CNTNAP4: variants seen among roughly 807,000 people sequenced by gnomAD.
CNTNAP4 encodes the protein contactin associated protein family member 4.
CNTNAP4 carries 98 observed loss-of-function variants against 148.4 expected under a neutral mutation model. The ratio of observed to expected loss-of-function variants is 0.66; its 90% CI spans 0.56 to 0.78. The LOEUF is 0.78. CNTNAP4 is among the 30% of genes least tolerant of loss of function. CNTNAP4 has a pLI of 0.00. For missense variants in CNTNAP4, 1,935 were observed against 1,565.6 expected, an observed-to-expected ratio of 1.24 and a Z score of -3.98; for synonymous variants, 730 against 565.1, an observed-to-expected ratio of 1.29 and a Z score of -4.14.
chr16:76,339,509 A>C (rs1964293514), intron 2 of CNTNAP4, among the ~76,000 whole-genome samples: 1 of 152,180 alleles, frequency 6.6e-6, no homozygotes, highest in Non-Finnish European at 1.5e-5. Context: ...AACACATTTC[A>C]GACACTCTAG....
At position 76,452,725 on chromosome 16, in the gene CNTNAP4, C is replaced by G. The variant is rs751001764; in HGVS notation, c.1289C>G (p.Ser430Trp). Reference protein sequence around the residue: ...LLFLSDGKLKSNLYQPGKLPS... With the variant: ...LLFLSDGKLKWNLYQPGKLPS... Reference sequence around the variant, plus strand: ...TTTCTGAGTGATGGAAAACTTAAGTCGAATCTCTACCAGCCAGGAAAATTA... The same window carrying G: ...TTTCTGAGTGATGGAAAACTTAAGTGGAATCTCTACCAGCCAGGAAAATTA... Residue 430 changes from serine (S) to tryptophan (W), a missense_variant, in exon 8 of 24, where the codon TCG (serine) becomes TGG (tryptophan). Transcript: ENST00000611870. 1 of 1,608,912 alleles carries G rather than the reference C, an allele frequency of 6.2e-7. No individual in the cohort carries two copies. Among genetic ancestry groups the G allele is most frequent in the Non-Finnish European group, 8.5e-7 (1 of 1,177,096 alleles).
intron 15 of CNTNAP4, among the ~76,000 whole-genome samples, chr16:76,514,294 C>A (rs1159449632): frequency 6.6e-6 from 1 of 152,132 alleles, no homozygotes; most frequent in Non-Finnish European, 1.5e-5. Flanking sequence ...TACATCCAGA[C>A]TAAAAATAAT....
chr16:76,298,336 A>T (rs1959530872), intron 1 of CNTNAP4, among the ~76,000 whole-genome samples: 1 of 152,178 alleles, frequency 6.6e-6, no homozygotes, highest in Admixed American at 6.6e-5. Flanking sequence ...AGCAAAATGT[A>T]ATTTTCCTGG....
At chr16:76,314,910 T>G (rs1260856049) in intron 1 of CNTNAP4, among the ~76,000 whole-genome samples, 1 of 152,196 alleles carries the variant, frequency 6.6e-6, no homozygotes, top group East Asian at 1.9e-4. Flanking sequence ...CATTTTTTTT[T>G]GTAAAAGTAG....
intron 9 of CNTNAP4, among the ~76,000 whole-genome samples, chr16:76,462,972 T>A (rs191677179): frequency 6.6e-6 from 1 of 152,234 alleles, no homozygotes; most frequent in Non-Finnish European, 1.5e-5. Context: ...TTTCTAAGTA[T>A]TGACGGTGAG....
rs770034946 is a variant in CNTNAP4, at chr16:76,489,670, C to A, written c.1883-16C>A. Reference sequence around the variant, plus strand: ...TGATGGTCTCCTCTCTTTCTCCCCCCATTTCTGCATACAAGAAACTGCATG... The same window carrying A: ...TGATGGTCTCCTCTCTTTCTCCCCCAATTTCTGCATACAAGAAACTGCATG... On this transcript the variant is annotated splice_polypyrimidine_tract_variant and intron_variant, in intron 12 of 23. Transcript: ENST00000611870. The A allele has an allele frequency of 1.2e-5, 17 of 1,450,810 alleles. No homozygotes were observed. Among genetic ancestry groups the A allele is most frequent in the Middle Eastern group, 1.8e-4 (1 of 5,496 alleles). 89.9% of individuals were successfully genotyped at this position (1,450,810 alleles called of 1,614,324 possible).
intron 13 of CNTNAP4, among the ~76,000 whole-genome samples, chr16:76,494,266 C>G (rs116321037): frequency 1.7e-3 from 254 of 152,224 alleles, no homozygotes; most frequent in African/African-American, 5.6e-3. Context: ...AGGGAAACTT[C>G]CATTGAGTGT....
At chr16:76,295,709 A>G (rs964716695) in intron 1 of CNTNAP4, among the ~76,000 whole-genome samples, 1 of 152,240 alleles carries the variant, frequency 6.6e-6, no homozygotes, top group Admixed American at 6.5e-5. Context: ...GGAGTGGCCA[A>G]TTCAAGTTGG....
chr16:76,546,448 T>G (rs1289133608), intron 21 of CNTNAP4, among the ~76,000 whole-genome samples: 2 of 152,088 alleles, frequency 1.3e-5, no homozygotes, highest in East Asian at 3.9e-4. Context: ...AACCCTATTG[T>G]GAACTGCACA....
At chr16:76,530,751 TC>T (rs2083944410) in intron 17 of CNTNAP4, among the ~76,000 whole-genome samples, 1 of 152,134 alleles carries the variant, frequency 6.6e-6, no homozygotes, top group Non-Finnish European at 1.5e-5. Flanking sequence ...GTCCTGTTCC[TC>T]CCCTCCTTTC....
chr16:76,547,249 T>A (rs1728926968), intron 21 of CNTNAP4, among the ~76,000 whole-genome samples: 1 of 152,228 alleles, frequency 6.6e-6, no homozygotes, highest in South Asian at 2.1e-4. Flanking sequence ...AAGCTATTAC[T>A]GGATCACAAT....
At chr16:76,395,073 T>A (rs927241626) in intron 3 of CNTNAP4, among the ~76,000 whole-genome samples, 4 of 152,144 alleles carry the variant, frequency 2.6e-5, no homozygotes, top group African/African-American at 9.7e-5. Context: ...ACGGTTTACT[T>A]CTGATGGCAA....
chr16:76,472,083 G>A (rs1268293826), intron 10 of CNTNAP4, among the ~76,000 whole-genome samples: 8 of 152,076 alleles, frequency 5.3e-5, no homozygotes, highest in Non-Finnish European at 7.4e-5. Flanking sequence ...CACAAGCAAT[G>A]GAAAGGATGG....
intron 15 of CNTNAP4, among the ~76,000 whole-genome samples, chr16:76,511,875 G>C (rs1379745008): frequency 6.8e-6 from 1 of 147,496 alleles, no homozygotes; most frequent in African/African-American, 2.5e-5. Context: ...ATAATCAATT[G>C]AAATATGTGG....
At chr16:76,326,842 T>G (rs537426851) in intron 2 of CNTNAP4, among the ~76,000 whole-genome samples, 28 of 152,102 alleles carry the variant, frequency 1.8e-4, no homozygotes, top group Admixed American at 9.8e-4. Context: ...GAGATATACC[T>G]AATGCTAAAT....
chr16:76,482,154 A>G (rs1451875547), intron 12 of CNTNAP4, among the ~76,000 whole-genome samples: 1 of 151,992 alleles, frequency 6.6e-6, no homozygotes, highest in Middle Eastern at 3.2e-3. Flanking sequence ...GACTATGCAT[A>G]TTGTACTTTA....
intron 11 of CNTNAP4, 52 bp downstream of exon 11, chr16:76,476,097 C>G: frequency 2.3e-6 from 3 of 1,285,054 alleles, no homozygotes; most frequent in Non-Finnish European, 3.4e-6. Context: ...TTCTTTGTCC[C>G]ATTTCCCTTT....
At chr16:76,297,310 G>C (rs1260889843) in intron 1 of CNTNAP4, among the ~76,000 whole-genome samples, 2 of 152,080 alleles carry the variant, frequency 1.3e-5, no homozygotes, top group African/African-American at 4.8e-5. Context: ...TGGGAATTTG[G>C]ATCCTAGCAA....
chr16:76,329,419 A>G (rs1176519927), intron 2 of CNTNAP4, among the ~76,000 whole-genome samples: 1 of 152,190 alleles, frequency 6.6e-6, no homozygotes, highest in Non-Finnish European at 1.5e-5. Flanking sequence ...TAGCTTTACT[A>G]TTTATAGTTT....
Sources: allele counts gnomAD v4.1 joint callset (sites outside exome capture counted in the v4.1 genomes callset), GRCh38; gene constraint gnomAD v4.1.1; transcripts MANE v1.5; gene names NCBI Gene and HGNC (gene_info 2026-07-23, HGNC 2026-07-21).